The following HECTD4 variants were observed in gnomAD, a reference collection of about 807,000 sequenced individuals.
HECTD4 encodes probable E3 ubiquitin-protein ligase HECTD4.
In HECTD4, 114 loss-of-function variants were observed where a neutral mutation model predicts 471.5. The observed-to-expected ratio is 0.24, with a 90% CI of 0.21 to 0.28. The LOEUF (loss-of-function observed/expected upper bound fraction) is 0.28. Ranked by LOEUF, HECTD4 falls within the 10% of genes least tolerant of loss-of-function variation. The pLI is 1.00. For synonymous variants in HECTD4, 2,012 were observed against 2,256.0 expected, an observed-to-expected ratio of 0.89 and a Z score of 3.07; for missense variants, 3,866 against 5,651.5, an observed-to-expected ratio of 0.68 and a Z score of 10.13.
chr12:112,311,662 G>A (rs2135689473), intron 4 of HECTD4, among the ~76,000 whole-genome samples: 1 of 149,550 alleles, frequency 6.7e-6, no homozygotes, highest in East Asian at 2.0e-4. Context: ...AAGAGAGAGA[G>A]AAAAAAAGAA....
Position 112,269,880 on chromosome 12 carries a change from T to C in HECTD4, c.2176-31A>G, listed in dbSNP as rs373800406. The C allele has an allele frequency of 8.8e-6, 14 of 1,594,414 alleles. No homozygotes were observed. In the African/African-American group the frequency reaches 1.7e-4, roughly 20 times the overall value. On this transcript the variant is annotated intron_variant, in intron 12 of 75. Transcript: ENST00000682272. ...GAAACAGAAGGAGTCTATCTAAAAA[T>C]GCTAATTCTACTGGGGATAAAATTA...
rs1376719813 is a variant in HECTD4 at position 112,172,693 on chromosome 12, G to A, written c.11763C>T (p.Asp3921=). The A allele has an allele frequency of 6.2e-7, 1 of 1,613,908 alleles. No homozygotes were observed. Among genetic ancestry groups the A allele is most frequent in the East Asian group, 2.2e-5 (1 of 44,902 alleles). The change falls in exon 67 of 76, where the codon GAC becomes GAT. Residue 3921 remains aspartate (D), a synonymous_variant. Transcript: ENST00000682272. ...EVYLDPADAA[D]PRVACLLNVP... is the part of the protein sequence containing the mutation. ...TACTCAGGAGACAGGCCACTCTGGG[G>A]TCAGCAGCATCCGCGGGGTCCAGGT...
intron 7 of HECTD4, among the ~76,000 whole-genome samples, chr12:112,303,741 T>C (rs1477599256): frequency 1.3e-5 from 2 of 151,644 alleles, no homozygotes; most frequent in Non-Finnish European, 2.9e-5. Flanking sequence ...TCCCAGCTAC[T>C]TGGGAGGCTG....
intron 60 of HECTD4, among the ~76,000 whole-genome samples, chr12:112,187,737 T>C (rs865896221): frequency 5.3e-5 from 8 of 150,636 alleles, no homozygotes; most frequent in Non-Finnish European, 1.2e-4. Flanking sequence ...CACCATTCTC[T>C]TGCCTCAGCC....
chr12:112,276,029 A>G (rs1458710229), intron 9 of HECTD4, among the ~76,000 whole-genome samples: 1 of 152,090 alleles, frequency 6.6e-6, no homozygotes, highest in Admixed American at 6.6e-5. Flanking sequence ...TCTGCTCCAC[A>G]TGGATCCTTC....
chr12:112,201,030 T>C (rs1455522463), intron 54 of HECTD4: 1 of 589,628 alleles, frequency 1.7e-6, no homozygotes, highest in African/African-American at 1.8e-5. Context: ...CTTATTACTA[T>C]ATAAACTTGC....
chr12:112,259,322 G>A (rs1284827089), intron 18 of HECTD4, 57 bp from the exon 19 acceptor site: 21 of 1,563,728 alleles, frequency 1.3e-5, no homozygotes, highest in Non-Finnish European at 1.7e-5. Context: ...ATGTGAAGAA[G>A]CACTAATGTC....
chr12:112,172,991 T>A, intron 66 of HECTD4, 130 bp from the exon 67 acceptor site: 2 of 759,926 alleles, frequency 2.6e-6, no homozygotes, highest in South Asian at 3.3e-5. Context: ...CCTTCCAGGT[T>A]GTTTCTTGGT....
intron 32 of HECTD4, among the ~76,000 whole-genome samples, chr12:112,240,368 G>C (rs2033610819): frequency 6.6e-6 from 1 of 152,140 alleles, no homozygotes; most frequent in Non-Finnish European, 1.5e-5. Context: ...AAACTTATTT[G>C]ATCATGAAAC....
chr12:112,198,380 G>A (rs1191677118), intron 55 of HECTD4, among the ~76,000 whole-genome samples: 5 of 152,214 alleles, frequency 3.3e-5, no homozygotes, highest in Non-Finnish European at 7.3e-5. Context: ...CCACAGAGGA[G>A]GGGCTGCCAA....
chr12:112,219,346 T>C, intron 45 of HECTD4, 40 bp downstream of exon 45: 1 of 1,425,920 alleles, frequency 7.0e-7, no homozygotes, highest in Non-Finnish European at 9.9e-7. Context: ...GTGATGTGTG[T>C]GGAGGCTGCA....
At chr12:112,249,738 G>A in intron 25 of HECTD4, 1 of 195,512 alleles carries the variant, frequency 5.1e-6, no homozygotes, top group South Asian at 9.6e-5. Flanking sequence ...ATAAACACAT[G>A]TCTCTAGACT....
At position 112,266,075 on chromosome 12, in the gene HECTD4, C is replaced by T. The variant is rs116855129; in HGVS notation, c.2393-92G>A. On this transcript the variant is annotated intron_variant, in intron 14 of 75. Transcript: ENST00000682272. ...AAAAGTTTTTAAACAAATAGATTGT[C>T]GGCAAGCTAGGGGCACCAGACATAC... The T allele has an allele frequency of 7.3e-3, 6,439 of 878,336 alleles. 46 individuals carry two copies. Among genetic ancestry groups the T allele is most frequent in the Non-Finnish European group, 8.6e-3 (4,815 of 560,702 alleles). 54.4% of individuals were successfully genotyped at this position (878,336 alleles called of 1,614,324 possible).
rs149847671 is a variant in HECTD4, at chr12:112,323,966, C to CTTTCTTTCT, written c.178-4225_178-4224insAGAAAGAAA. ...GAGGTGCTTCTTTCTTTCTTTCTTT[C>CTTTCTTTCT]TTCCTTCCTTCCTTCCTTCCTTCCT... On this transcript the variant is annotated intron_variant, in intron 1 of 75. Coordinates refer to ENST00000682272, the MANE Select transcript of HECTD4 (RefSeq NM_001388303.1). Among the ~76,000 whole-genome samples the CTTTCTTTCT allele has an allele frequency of 2.3e-4, 4 of 17,156 alleles. 1 individual carries two copies. Among genetic ancestry groups the CTTTCTTTCT allele is most frequent in the African/African-American group, 1.7e-3 (4 of 2,406 alleles). 11.3% of individuals were successfully genotyped at this position (17,156 alleles called of 152,430 possible).
chr12:112,252,072 G>A (rs1256886311), intron 23 of HECTD4, among the ~76,000 whole-genome samples: 4 of 151,988 alleles, frequency 2.6e-5, no homozygotes, highest in East Asian at 1.9e-4. Context: ...ACGCCCAGCC[G>A]GATGCTTAAC....
At chr12:112,165,086 A>G (rs1281736134) in intron 72 of HECTD4, among the ~76,000 whole-genome samples, 1 of 149,712 alleles carries the variant, frequency 6.7e-6, no homozygotes, top group Admixed American at 6.7e-5. Context: ...ATGCCTGGCT[A>G]ATTTTTGTAT....
chr12:112,200,402 C>T (rs912989900), intron 55 of HECTD4, among the ~76,000 whole-genome samples: 1 of 152,140 alleles, frequency 6.6e-6, no homozygotes, highest in African/African-American at 2.4e-5. Context: ...GATCTGCCCA[C>T]CTGGGCCTCC....
intron 5 of HECTD4, among the ~76,000 whole-genome samples, chr12:112,309,309 T>C (rs897641579): frequency 1.3e-5 from 2 of 152,202 alleles, no homozygotes; most frequent in Admixed American, 6.5e-5. Flanking sequence ...CATGGAGGAC[T>C]TTCTGGCTGG....
At chr12:112,238,275 C>T (rs922629513) in intron 34 of HECTD4, among the ~76,000 whole-genome samples, 8 of 151,828 alleles carry the variant, frequency 5.3e-5, no homozygotes, top group African/African-American at 1.5e-4. Context: ...TGTAGTGGCA[C>T]GATCACAGCT....
Sources: gnomAD v4.1 joint callset for allele counts (sites outside exome capture counted in the v4.1 genomes callset) on GRCh38, gnomAD v4.1.1 for gene constraint, MANE v1.5 for transcripts, NCBI Gene and HGNC (gene_info 2026-07-23, HGNC 2026-07-21) for gene names.